The following PRKD1 variants were observed in gnomAD, a reference collection of about 807,000 sequenced individuals.
The protein encoded by PRKD1 is protein kinase D1.
In PRKD1, 63 loss-of-function variants were observed where a neutral mutation model predicts 95.9. The ratio of observed to expected loss-of-function variants is 0.66; its 90% CI spans 0.54 to 0.81. The LOEUF is 0.81. Among genes scored for constraint, PRKD1 ranks in the 30% least tolerant of loss-of-function variants. The probability of loss-of-function intolerance (pLI) is 0.00; values close to 1 mark genes in which losing one functional copy is unlikely to be tolerated. For missense variants in PRKD1, 1,048 were observed against 1,165.3 expected (o/e 0.90, Z 1.47); for synonymous variants, 425 against 423.1 (o/e 1.00, Z -0.05).
chr14:29,696,362 G>C (rs1383345858), intron 2 of PRKD1, among the ~76,000 whole-genome samples: 1 of 152,090 alleles, frequency 6.6e-6, no homozygotes, highest in East Asian at 1.9e-4. Context: ...TGCAAAGCTA[G>C]AAAAGGACAG....
chr14:29,683,126 G>C (rs945997349), intron 2 of PRKD1, among the ~76,000 whole-genome samples: 13 of 152,194 alleles, frequency 8.5e-5, no homozygotes, highest in Non-Finnish European at 7.3e-5. Flanking sequence ...CTGTAGAGAG[G>C]AAGGATTGCA....
chr14:29,615,519 T>C (rs1353327143), intron 13 of PRKD1, among the ~76,000 whole-genome samples: 2 of 152,230 alleles, frequency 1.3e-5, no homozygotes, highest in African/African-American at 2.4e-5. Flanking sequence ...ACTGTTTCTC[T>C]GGCTATGAAA....
intron 7 of PRKD1, 74 bp downstream of exon 7, chr14:29,636,216 A>G (rs2139128570): frequency 6.6e-7 from 1 of 1,523,670 alleles, no homozygotes; most frequent in Non-Finnish European, 9.1e-7. Flanking sequence ...ATCTATTAAA[A>G]TATCAAAGAG....
At chr14:29,613,260 T>C (rs1594362231) in intron 13 of PRKD1, among the ~76,000 whole-genome samples, 1 of 152,218 alleles carries the variant, frequency 6.6e-6, no homozygotes, top group Admixed American at 6.5e-5. Context: ...ATAATTGACT[T>C]ATTTGTGATT....
chr14:29,795,087 G>C (rs1339503170), intron 1 of PRKD1, among the ~76,000 whole-genome samples: 1 of 151,840 alleles, frequency 6.6e-6, no homozygotes, highest in Non-Finnish European at 1.5e-5. Context: ...TTCATTCTCT[G>C]AATATCTGTC....
Position 29,577,412 on chromosome 14 carries a change from G to A in PRKD1, c.2565C>T (p.Ile855=), listed in dbSNP as rs143388121. The A allele has an allele frequency of 5.1e-5, 82 of 1,613,606 alleles. No individual in the cohort carries two copies. In the East Asian group the frequency reaches 6.7e-4, roughly 13 times the overall value. ...WLDLRELECK[I]GERYITHESD... ...TTTCATGGGTGATGTAGCGCTCCCC[G>A]ATTTTGCATTCCAGCTCTCGCAAAT... is the stretch of plus-strand genomic sequence containing the variant. The change falls in exon 18 of 18, where the codon ATC becomes ATT. Residue 855 remains isoleucine, a synonymous_variant. Transcript: ENST00000331968.
intron 16 of PRKD1, among the ~76,000 whole-genome samples, chr14:29,595,729 G>A (rs1162303948): frequency 6.6e-6 from 1 of 152,138 alleles, no homozygotes; most frequent in Admixed American, 6.6e-5. Flanking sequence ...CCTAGAAAAA[G>A]GATTTAAAGA....
At chr14:29,670,759 G>A (rs1882793126) in intron 2 of PRKD1, among the ~76,000 whole-genome samples, 1 of 152,018 alleles carries the variant, frequency 6.6e-6, no homozygotes. Context: ...CTTCTCTGTT[G>A]ATCCCAGTCT....
At chr14:29,799,227 A>G (rs547960957) in intron 1 of PRKD1, among the ~76,000 whole-genome samples, 1 of 152,382 alleles carries the variant, frequency 6.6e-6, no homozygotes, top group Admixed American at 6.5e-5. Context: ...GAAAACCTCA[A>G]TTAAACAAGT....
chr14:29,752,675 G>A (rs1182415373), intron 1 of PRKD1, among the ~76,000 whole-genome samples: 3 of 151,782 alleles, frequency 2.0e-5, no homozygotes, highest in Non-Finnish European at 4.4e-5. Flanking sequence ...ACCCATGAGG[G>A]CATCACCAAC....
chr14:29,923,810 G>GAAA (rs768450153), intron 1 of PRKD1, among the ~76,000 whole-genome samples: 3 of 99,980 alleles, frequency 3.0e-5, no homozygotes, highest in African/African-American at 1.1e-4. Flanking sequence ...CTCATTTGAG[G>GAAA]AAAAAAAAAA....
chr14:29,713,776 C>G (rs1260756744), intron 2 of PRKD1, among the ~76,000 whole-genome samples: 1 of 152,078 alleles, frequency 6.6e-6, no homozygotes, highest in Non-Finnish European at 1.5e-5. Context: ...TTTACAAAAG[C>G]CTTATGTCCT....
chr14:29,774,527 C>A (rs1888649112), intron 1 of PRKD1, among the ~76,000 whole-genome samples: 1 of 152,122 alleles, frequency 6.6e-6, no homozygotes, highest in Admixed American at 6.5e-5. Flanking sequence ...ATTTCATATG[C>A]ATGAGTTAGG....
chr14:29,623,781 G>A (rs918448538), intron 13 of PRKD1, among the ~76,000 whole-genome samples: 4 of 152,154 alleles, frequency 2.6e-5, no homozygotes, highest in African/African-American at 9.7e-5. Context: ...CTGATATGCT[G>A]ACAGTTACAT....
chr14:29,649,977 T>G (rs1793150325), intron 4 of PRKD1, among the ~76,000 whole-genome samples: 2 of 152,200 alleles, frequency 1.3e-5, no homozygotes, highest in Non-Finnish European at 2.9e-5. Flanking sequence ...TGCTTCCTTC[T>G]GGAACAGTCT....
chr14:29,835,512 G>A (rs117927549), intron 1 of PRKD1, among the ~76,000 whole-genome samples: 2,911 of 152,166 alleles, frequency 0.019, 50 homozygotes, highest in South Asian at 0.042. Context: ...GACCAGCCTC[G>A]TTGAAATCTG....
chr14:29,779,224 G>C (rs1375578531), intron 1 of PRKD1, among the ~76,000 whole-genome samples: 1 of 152,134 alleles, frequency 6.6e-6, no homozygotes, highest in Non-Finnish European at 1.5e-5. Context: ...TTGAAAACTG[G>C]CACAAGACAG....
intron 1 of PRKD1, among the ~76,000 whole-genome samples, chr14:29,889,949 A>G (rs1189517623): frequency 2.6e-5 from 4 of 152,244 alleles, no homozygotes; most frequent in African/African-American, 7.2e-5. Flanking sequence ...TAGAGCACCT[A>G]TTCTACGGCA....
intron 4 of PRKD1, among the ~76,000 whole-genome samples, chr14:29,644,022 T>C (rs1049270192): frequency 6.6e-6 from 1 of 152,206 alleles, no homozygotes; most frequent in South Asian, 2.1e-4. Context: ...AATAAGCTCC[T>C]ATGGAAGAAC....
Sources: allele counts gnomAD v4.1 joint callset (sites outside exome capture counted in the v4.1 genomes callset), GRCh38; gene constraint gnomAD v4.1.1; transcripts MANE v1.5; gene names NCBI Gene and HGNC (gene_info 2026-07-23, HGNC 2026-07-21).